Variants in PIP5KL1 observed in about 807,000 individuals in gnomAD.
PIP5KL1 encodes the protein phosphatidylinositol 4-phosphate 5-kinase-like protein 1.
Under a neutral mutation model 47.6 loss-of-function variants are expected in PIP5KL1, and 45 were observed. The observed-to-expected ratio is 0.94, with a 90% CI of 0.74 to 1.21. The LOEUF (loss-of-function observed/expected upper bound fraction) is 1.21, where lower values mean the gene tolerates loss of function less well. PIP5KL1 is among the 50% of genes most tolerant of loss of function. The pLI, the probability that PIP5KL1 is intolerant of heterozygous loss-of-function variation, is 0.00. For synonymous variants in PIP5KL1, 256 were observed against 234.6 expected (o/e 1.09, Z -0.84); for missense variants, 577 against 547.6 (o/e 1.05, Z -0.54).
At chr9:127,925,030 C>T in intron 9 of PIP5KL1, 77 bp downstream of exon 9, 1 of 1,553,466 alleles carries the variant, frequency 6.4e-7, no homozygotes, top group Non-Finnish European at 8.8e-7. Flanking sequence ...GCTCCCGGTG[C>T]ACTCCCATGC....
At chr9:127,922,649 C>G (rs1465766295) in intron 9 of PIP5KL1, among the ~76,000 whole-genome samples, 2 of 127,304 alleles carry the variant, frequency 1.6e-5, no homozygotes, top group African/African-American at 3.1e-5. Context: ...GAGCCAATAT[C>G]TTGCCATTGT....
Position 127,929,255 on chromosome 9 carries a change from G to A in PIP5KL1, c.228+433C>T, listed in dbSNP as rs1203210999. 1.3e-5 allele frequency among the ~76,000 whole-genome samples: 2 copies of A among 152,168 alleles called. No individual in the cohort carries two copies. Among genetic ancestry groups the A allele is most frequent in the South Asian group, 2.1e-4 (1 of 4,836 alleles). ...ACACATGCTCACCCAGGCCCGCCCAGCTGCTGAGCTTGCAGTTGGGCCACC... is the reference window on the plus strand; with the variant it reads ...ACACATGCTCACCCAGGCCCGCCCAACTGCTGAGCTTGCAGTTGGGCCACC... On this transcript the variant is annotated intron_variant, in intron 2 of 9. Transcript: ENST00000388747. This position sits in a 1 kb window ranked among gnomAD's most constrained non-coding sequence, Gnocchi z 4.0.
In PIP5KL1 at chr9:127,922,096, CTG is replaced by C; in HGVS notation, c.934_935del (p.Gln312GlufsTer126). ...TTTGGGCTCTCGACTCTTCCGGGCT[CTG>C]TGCCCCTTGCACAGACCTGGGGGCC... ...FRTARSVQGA[Q>X]SPEESRAQNR... is the part of the protein sequence containing the mutation. On this transcript the variant is annotated frameshift_variant, in exon 10 of 10. Transcript: ENST00000388747. LOFTEE classifies it high-confidence loss of function. 6.5e-7 allele frequency: 1 copy of C among 1,545,114 alleles called. No individual in the cohort carries two copies.
chr9:127,922,711 AG>A (rs369736562), intron 9 of PIP5KL1, among the ~76,000 whole-genome samples: 236 of 137,458 alleles, frequency 1.7e-3, no homozygotes, highest in African/African-American at 5.8e-3. Flanking sequence ...AAAAAAAAAA[AG>A]AAAAAAGAAA....
chr9:127,928,080 G>T lies in PIP5KL1; in HGVS notation c.419C>A (p.Ala140Asp), dbSNP rs1332576648. 1.3e-6 allele frequency: 2 copies of T among 1,573,158 alleles called. No individual in the cohort carries two copies. Among genetic ancestry groups the T allele is most frequent in the Non-Finnish European group, 1.7e-6 (2 of 1,160,950 alleles). ...LQFLSTSKSK[A>D]SFFLSHDQRF... ...GCAAGCTCACGACAGGAAGAAGCTG[G>T]CCTTGCTCTTGGAGGTGCTGAGGAA... Residue 140 changes from alanine (A) to aspartate (D), a missense_variant, in exon 4 of 10, where the codon GCC becomes GAC. Ala to Asp is a moderately radical substitution (Grantham distance 126). Coordinates refer to ENST00000388747, the MANE Select transcript of PIP5KL1 (RefSeq NM_001135219.2).
Position 127,921,525 on chromosome 9 carries a change from A to C in PIP5KL1, c.*322T>G. ...ATACAGGCTCCGGAATCCAAAAGCC[A>C]TGGTTGAGTCCTGGTTCCAGCATTT... is the stretch of plus-strand genomic sequence containing the variant. On this transcript the variant is annotated 3_prime_UTR_variant, in exon 10 of 10. Transcript: ENST00000388747. 1 of 265,756 alleles carries C rather than the reference A, an allele frequency of 3.8e-6. No individual in the cohort carries two copies. Among genetic ancestry groups the C allele is most frequent in the Non-Finnish European group, 7.2e-6 (1 of 138,756 alleles). 16.5% of individuals were successfully genotyped at this position (265,756 alleles called of 1,614,324 possible).
At chr9:127,924,966 G>A (rs942861562) in intron 9 of PIP5KL1, 141 bp downstream of exon 9, 74 of 1,068,820 alleles carry the variant, frequency 6.9e-5, no homozygotes, top group Non-Finnish European at 8.2e-5. Flanking sequence ...GCGCGCACAC[G>A]CACACACACA....
Position 127,929,743 on chromosome 9 carries a change from A to G in PIP5KL1, c.173T>C (p.Met58Thr). Residue 58 changes from methionine (M) to threonine (T), a missense_variant, in exon 2 of 10, where the codon ATG (methionine) becomes ACG (threonine). Physicochemically the swap from Met to Thr is moderately conservative, Grantham distance 81. Coordinates refer to ENST00000388747, the MANE Select transcript of PIP5KL1 (RefSeq NM_001135219.2). The surrounding 1 kb of genome is among the most constrained non-coding windows in gnomAD (Gnocchi z 4.0). ...PGHELHGMTC[M>T]MQAGLWAATQ... ...GGCAGCCCACAGCCCTGCCTGCATC[A>G]TGCACGTCATCCCATGCAGTTCATG... is the stretch of plus-strand genomic sequence containing the variant. 1 of 1,586,264 alleles carries G rather than the reference A, an allele frequency of 6.3e-7. No homozygotes were observed. The highest frequency in any genetic ancestry group is 8.6e-7 in the Non-Finnish European group (1 of 1,166,216).
rs1831379590 is a variant in PIP5KL1 at position 127,927,448 on chromosome 9, C to T, written c.560-117G>A. 4 of 1,490,842 alleles carry T rather than the reference C, an allele frequency of 2.7e-6. No individual in the cohort carries two copies. Among genetic ancestry groups the T allele is most frequent in the Non-Finnish European group, 3.6e-6 (4 of 1,122,166 alleles). The allele number at this position is 1,490,842 out of a possible 1,614,324, so 92.4% of individuals were successfully genotyped here. A position where few individuals can be genotyped will look rare whatever the true frequency, so the allele number is the denominator to read the frequency against. On this transcript the variant is annotated intron_variant, in intron 5 of 9. Coordinates refer to ENST00000388747, the MANE Select transcript of PIP5KL1 (RefSeq NM_001135219.2). The surrounding 1 kb of genome is among the most constrained non-coding windows in gnomAD (Gnocchi z 5.5). ...TCTCAAGATCCGCGGCACCTGGACC[C>T]TTCCTTGGCTGGTCCGGATCCCGAC...
rs997029315 is a variant in PIP5KL1, at chr9:127,927,014, C to T, written c.650+139G>A. On this transcript the variant is annotated intron_variant, in intron 7 of 9. Coordinates refer to ENST00000388747, the MANE Select transcript of PIP5KL1 (RefSeq NM_001135219.2). The surrounding 1 kb of genome is among the most constrained non-coding windows in gnomAD (Gnocchi z 5.5). The stretch of plus-strand genomic sequence containing the variant: ...CCAGAGATGCTGGGTGTGGGCGTCA[C>T]TGTCTCTGACCCACCAGATCTTGGG... 3.9e-6 allele frequency: 4 copies of T among 1,030,326 alleles called. No individual in the cohort carries two copies. Among genetic ancestry groups the T allele is most frequent in the Non-Finnish European group, 4.2e-6 (3 of 718,948 alleles). The allele number at this position is 1,030,326 out of a possible 1,614,324, so 63.8% of individuals were successfully genotyped here.
Position 127,925,102 on chromosome 9 carries a change from C to T in PIP5KL1, c.917+5G>A. 6.2e-7 allele frequency: 1 copy of T among 1,613,918 alleles called. No individual in the cohort carries two copies. Among genetic ancestry groups the T allele is most frequent in the Non-Finnish European group, 8.5e-7 (1 of 1,179,858 alleles). ...ATCTCGCTGTTGCCCCTGTGGGAGG[C>T]TCACCTGGCCGTGCGGAAGATGAGG... On this transcript the variant is annotated splice_donor_5th_base_variant and intron_variant, in intron 9 of 9. Transcript: ENST00000388747.
intron 9 of PIP5KL1, among the ~76,000 whole-genome samples, chr9:127,923,732 C>T (rs1238436929): frequency 1.3e-5 from 2 of 152,262 alleles, no homozygotes; most frequent in African/African-American, 2.4e-5. Context: ...TCCTCTTTCA[C>T]TCCCCTTGTC....
At chr9:127,926,377 C>T (rs1831363277) in intron 7 of PIP5KL1, among the ~76,000 whole-genome samples, 1 of 152,102 alleles carries the variant, frequency 6.6e-6, no homozygotes, top group South Asian at 2.1e-4. Context: ...CCACCTTAAC[C>T]TCCCAAGTAG....
In PIP5KL1 at chr9:127,930,731, GC is replaced by G; in HGVS notation, c.21del (p.Arg9AlafsTer47). ...CTCGGGTCCGCACCTACCTCGCGGG[GC>G]CCCGGGCTCGGCGCAGCCATCGCCC... is the stretch of plus-strand genomic sequence containing the variant. The part of the protein sequence containing the change: MAAPSP[G>X]PREVLAPSPE... On this transcript the variant is annotated frameshift_variant, in exon 1 of 10. Transcript: ENST00000388747. LOFTEE classifies it high-confidence loss of function. The G allele has an allele frequency of 6.4e-7, 1 of 1,569,002 alleles. No individual in the cohort carries two copies. Among genetic ancestry groups the G allele is most frequent in the Non-Finnish European group, 8.6e-7 (1 of 1,161,514 alleles).
At position 127,927,970 on chromosome 9, in the gene PIP5KL1, T is replaced by G. The variant is rs1301600465; in HGVS notation, c.434+95A>C. 1 of 1,447,468 alleles carries G rather than the reference T, an allele frequency of 6.9e-7. No homozygotes were observed. Among genetic ancestry groups the G allele is most frequent in the East Asian group, 2.5e-5 (1 of 39,448 alleles). The allele number at this position is 1,447,468 out of a possible 1,614,324, so 89.7% of individuals were successfully genotyped here. A position where few individuals can be genotyped will look rare whatever the true frequency, so the allele number is the denominator to read the frequency against. ...CCTCCCAGATTAGGGCCGCTCTGTT[T>G]CTCTCTTCAGGGGGCCTTCCCCGCC... On this transcript the variant is annotated intron_variant, in intron 4 of 9. Coordinates refer to ENST00000388747, the MANE Select transcript of PIP5KL1 (RefSeq NM_001135219.2). This position sits in a 1 kb window ranked among gnomAD's most constrained non-coding sequence, Gnocchi z 5.5.
chr9:127,927,448 C>A lies in PIP5KL1; in HGVS notation c.560-117G>T. On this transcript the variant is annotated intron_variant, in intron 5 of 9. Transcript: ENST00000388747. This position sits in a 1 kb window ranked among gnomAD's most constrained non-coding sequence, Gnocchi z 5.5. ...TCTCAAGATCCGCGGCACCTGGACCCTTCCTTGGCTGGTCCGGATCCCGAC... is the reference window on the plus strand; with the variant it reads ...TCTCAAGATCCGCGGCACCTGGACCATTCCTTGGCTGGTCCGGATCCCGAC... The A allele has an allele frequency of 6.7e-7, 1 of 1,490,842 alleles. No individual in the cohort carries two copies. The highest frequency in any genetic ancestry group is 8.9e-7 in the Non-Finnish European group (1 of 1,122,166). 92.4% of individuals were successfully genotyped at this position (1,490,842 alleles called of 1,614,324 possible). A position where few individuals can be genotyped will look rare whatever the true frequency, so the allele number is the denominator to read the frequency against.
chr9:127,923,420 A>G (rs1831317724), intron 9 of PIP5KL1, among the ~76,000 whole-genome samples: 1 of 152,272 alleles, frequency 6.6e-6, no homozygotes, highest in Non-Finnish European at 1.5e-5. Context: ...GGGCTGGGAC[A>G]GCCAACATGA....
In PIP5KL1 at chr9:127,929,969, G is replaced by C; in HGVS notation, c.31-84C>G. 1 of 1,213,012 alleles carries C rather than the reference G, an allele frequency of 8.2e-7. No individual in the cohort carries two copies. 75.1% of individuals were successfully genotyped at this position (1,213,012 alleles called of 1,614,324 possible). A position where few individuals can be genotyped will look rare whatever the true frequency, so the allele number is the denominator to read the frequency against. On this transcript the variant is annotated intron_variant, in intron 1 of 9. Transcript: ENST00000388747. The surrounding 1 kb of genome is among the most constrained non-coding windows in gnomAD (Gnocchi z 4.0). ...GGTTCAAGTCCCACTTCCACTACTT[G>C]TGAGACTTCCCCTCATCTCTCTCTG...
intron 9 of PIP5KL1, 27 bp from the exon 10 acceptor site, chr9:127,922,141 G>T (rs776907011): frequency 5.4e-5 from 79 of 1,459,224 alleles, no homozygotes; most frequent in Non-Finnish European, 7.1e-5. Flanking sequence ...GGGTGAAGCT[G>T]CCAGCTCCTC....
Sources: gnomAD v4.1 joint callset for allele counts (sites outside exome capture counted in the v4.1 genomes callset) on GRCh38, gnomAD v4.1.1 for gene constraint, Gnocchi (gnomAD v3.1) non-coding constraint, MANE v1.5 for transcripts, NCBI Gene and HGNC (gene_info 2026-07-23, HGNC 2026-07-21) for gene names.